ALCAM: variants seen among roughly 807,000 people sequenced by gnomAD.
ALCAM encodes the protein activated leukocyte cell adhesion molecule.
ALCAM carries 30 observed loss-of-function variants against 70.9 expected under a neutral mutation model. The observed-to-expected ratio is 0.42, with a 90% CI of 0.32 to 0.57. ALCAM has a LOEUF of 0.57. Among genes scored for constraint, ALCAM ranks in the 20% least tolerant of loss-of-function variants. The pLI is 0.11. For missense variants in ALCAM, 591 were observed against 695.1 expected (o/e 0.85, Z 1.68); for synonymous variants, 249 against 242.5 (o/e 1.03, Z -0.25).
At chr3:105,499,515 A>C (rs1429787549) in intron 1 of ALCAM, among the ~76,000 whole-genome samples, 1 of 152,224 alleles carries the variant, frequency 6.6e-6, no homozygotes, top group East Asian at 1.9e-4. Flanking sequence ...AGTCATGTAC[A>C]GAAGAGTCCT....
intron 1 of ALCAM, among the ~76,000 whole-genome samples, chr3:105,438,752 C>T (rs930342495): frequency 6.6e-6 from 1 of 152,122 alleles, no homozygotes; most frequent in East Asian, 1.9e-4. Context: ...TGGTGGCTCA[C>T]ACCTGTAATC....
intron 1 of ALCAM, among the ~76,000 whole-genome samples, chr3:105,503,282 T>G (rs1938974016): frequency 6.6e-6 from 1 of 152,228 alleles, no homozygotes; most frequent in South Asian, 2.1e-4. Context: ...GCTTTCCTAT[T>G]TGCCTAGTGA....
intron 6 of ALCAM, among the ~76,000 whole-genome samples, chr3:105,537,730 A>G (rs952514866): frequency 1.3e-5 from 2 of 152,108 alleles, no homozygotes; most frequent in African/African-American, 2.4e-5. Flanking sequence ...CAGGATCCCT[A>G]TGCTTGTGTC....
At chr3:105,386,320 T>G (rs1935653516) in intron 1 of ALCAM, among the ~76,000 whole-genome samples, 1 of 151,600 alleles carries the variant, frequency 6.6e-6, no homozygotes, top group Non-Finnish European at 1.5e-5. Context: ...CTACATCTGT[T>G]TTGAATCAAC....
At chr3:105,548,527 G>A (rs1351889782) in intron 11 of ALCAM, among the ~76,000 whole-genome samples, 1 of 151,402 alleles carries the variant, frequency 6.6e-6, no homozygotes. Flanking sequence ...TAGGGAAGTT[G>A]GGCCACTGTC....
chr3:105,571,687 T>A (rs980452799), intron 14 of ALCAM, among the ~76,000 whole-genome samples, 165 bp from the exon 15 acceptor site: 10 of 152,214 alleles, frequency 6.6e-5, no homozygotes, highest in Non-Finnish European at 1.5e-4. Flanking sequence ...TTCAGTACAA[T>A]GTGCTCCATT....
rs981957425 is a variant in ALCAM, at chr3:105,541,623, C to G, written c.859-10C>G. On this transcript the variant is annotated splice_polypyrimidine_tract_variant and intron_variant, in intron 7 of 15. Transcript: ENST00000306107. ...AGTATAATCATCTGACATTTTGCCT[C>G]TATCAAAAGGGACAGCCCGAAGGAA... 1 of 1,610,530 alleles carries G rather than the reference C, an allele frequency of 6.2e-7. No homozygotes were observed. The highest frequency in any genetic ancestry group is 2.2e-5 in the East Asian group (1 of 44,752).
chr3:105,466,824 G>A (rs1012991900), intron 1 of ALCAM, among the ~76,000 whole-genome samples: 2 of 151,148 alleles, frequency 1.3e-5, no homozygotes, highest in Non-Finnish European at 3.0e-5. Flanking sequence ...TTTTTCACAA[G>A]GAGACTCAGT....
chr3:105,438,485 G>A (rs1216875924), intron 1 of ALCAM, among the ~76,000 whole-genome samples: 3 of 151,954 alleles, frequency 2.0e-5, no homozygotes, highest in African/African-American at 7.3e-5. Context: ...CTACTAGGGA[G>A]GATTTAATCG....
At chr3:105,413,763 C>A (rs1936444038) in intron 1 of ALCAM, among the ~76,000 whole-genome samples, 1 of 152,098 alleles carries the variant, frequency 6.6e-6, no homozygotes, top group Non-Finnish European at 1.5e-5. Flanking sequence ...TAGAGGCCTC[C>A]TTTTAATTAC....
intron 3 of ALCAM, among the ~76,000 whole-genome samples, chr3:105,530,830 A>G (rs952569375): frequency 4.6e-5 from 7 of 152,050 alleles, no homozygotes; most frequent in African/African-American, 1.4e-4. Flanking sequence ...CATATAATCT[A>G]AAGATATCCA....
chr3:105,542,646 C>T (rs957090997), intron 8 of ALCAM, among the ~76,000 whole-genome samples: 3 of 151,832 alleles, frequency 2.0e-5, no homozygotes, highest in Non-Finnish European at 4.4e-5. Flanking sequence ...TATAAAGAGA[C>T]TTTAGAAATT....
chr3:105,484,210 T>C (rs1008436531), intron 1 of ALCAM, among the ~76,000 whole-genome samples: 6 of 151,370 alleles, frequency 4.0e-5, no homozygotes, highest in Admixed American at 6.6e-5. Context: ...ATAGTACAAC[T>C]AGGAAAGTTA....
chr3:105,538,816 T>A (rs1008994999), intron 6 of ALCAM, among the ~76,000 whole-genome samples: 2 of 152,110 alleles, frequency 1.3e-5, no homozygotes, highest in Middle Eastern at 3.2e-3. Context: ...AAATAAGAAA[T>A]GTATTAAATC....
At chr3:105,476,236 C>G (rs1407577172) in intron 1 of ALCAM, among the ~76,000 whole-genome samples, 2 of 152,042 alleles carry the variant, frequency 1.3e-5, no homozygotes, top group Non-Finnish European at 2.9e-5. Flanking sequence ...GCTCACTCAT[C>G]TACCTACACT....
chr3:105,564,765 A>G (rs1940707447), intron 14 of ALCAM, among the ~76,000 whole-genome samples: 1 of 152,180 alleles, frequency 6.6e-6, no homozygotes, highest in African/African-American at 2.4e-5. Flanking sequence ...CAAGGAGATC[A>G]GCCAGGTGGG....
chr3:105,369,252 G>A (rs993347230), intron 1 of ALCAM, among the ~76,000 whole-genome samples: 7 of 152,160 alleles, frequency 4.6e-5, no homozygotes, highest in Non-Finnish European at 7.4e-5. Flanking sequence ...GGCGGGCCAC[G>A]TCGCAGGATA....
At chr3:105,379,328 T>C (rs754505175) in intron 1 of ALCAM, among the ~76,000 whole-genome samples, 3 of 151,926 alleles carry the variant, frequency 2.0e-5, no homozygotes, top group Non-Finnish European at 2.9e-5. Flanking sequence ...TCTGAATACA[T>C]TTTGGGCTTC....
chr3:105,569,086 A>G (rs893532661), intron 14 of ALCAM, among the ~76,000 whole-genome samples: 2 of 151,424 alleles, frequency 1.3e-5, no homozygotes, highest in African/African-American at 2.4e-5. Flanking sequence ...TTTTAATTTT[A>G]TTTTTTAGGA....
Sources: gnomAD v4.1 joint callset for allele counts (sites outside exome capture counted in the v4.1 genomes callset) on GRCh38, gnomAD v4.1.1 for gene constraint, MANE v1.5 for transcripts, NCBI Gene and HGNC (gene_info 2026-07-23, HGNC 2026-07-21) for gene names.